The following HTRA3 variants were observed in gnomAD, a reference collection of about 807,000 sequenced individuals.
The protein encoded by HTRA3 is HtrA serine peptidase 3, also known as serine protease HTRA3.
In HTRA3, 41 loss-of-function variants were observed where a neutral mutation model predicts 43.2. The ratio of observed to expected loss-of-function variants is 0.95; its 90% CI spans 0.74 to 1.23. The LOEUF (loss-of-function observed/expected upper bound fraction) is 1.23, where lower values mean the gene tolerates loss of function less well. Ranked by LOEUF, HTRA3 falls within the 50% of genes most tolerant of loss-of-function variation. HTRA3 has a pLI of 0.00. For missense variants in HTRA3, 628 were observed against 647.1 expected (o/e 0.97, Z 0.32); for synonymous variants, 295 against 287.9 (o/e 1.02, Z -0.25).
chr4:8,274,859 A>T (rs555360543), intron 1 of HTRA3, among the ~76,000 whole-genome samples: 2 of 152,262 alleles, frequency 1.3e-5, no homozygotes, highest in African/African-American at 4.8e-5. Flanking sequence ...GCATTTAATC[A>T]CCGGCTTTTA....
chr4:8,277,045 G>A (rs984974923), intron 1 of HTRA3, among the ~76,000 whole-genome samples: 5 of 152,364 alleles, frequency 3.3e-5, no homozygotes, highest in African/African-American at 1.2e-4. Context: ...GAGGCAGCGG[G>A]TTCCTCTGGG....
chr4:8,285,542 T>G (rs186598084), intron 2 of HTRA3, among the ~76,000 whole-genome samples: 24 of 152,336 alleles, frequency 1.6e-4, no homozygotes, highest in African/African-American at 5.5e-4. Flanking sequence ...CTTGCTCATC[T>G]CTACTAAGCA....
At position 8,269,985 on chromosome 4, in the gene HTRA3, T is replaced by C; in HGVS notation, c.17T>C (p.Leu6Pro). 2.4e-6 allele frequency: 3 copies of C among 1,230,634 alleles called. No individual in the cohort carries two copies. Among genetic ancestry groups the C allele is most frequent in the Non-Finnish European group, 3.0e-6 (3 of 989,204 alleles). 76.2% of individuals were successfully genotyped at this position (1,230,634 alleles called of 1,614,324 possible). A position where few individuals can be genotyped will look rare whatever the true frequency, so the allele number is the denominator to read the frequency against. Residue 6 changes from leucine to proline, a missense_variant, in exon 1 of 9, where the codon CTG becomes CCG. Coordinates refer to ENST00000307358, the MANE Select transcript of HTRA3 (RefSeq NM_053044.5). MQARA[L>P]LLAALAALAL... Reference sequence around the variant, plus strand: ...CCTGCCGCCATGCAGGCGCGAGCGCTGCTCCTGGCCGCGTTGGCCGCGCTG... The same window carrying C: ...CCTGCCGCCATGCAGGCGCGAGCGCCGCTCCTGGCCGCGTTGGCCGCGCTG...
intron 1 of HTRA3, among the ~76,000 whole-genome samples, chr4:8,271,190 T>G (rs905204957): frequency 6.6e-6 from 1 of 151,256 alleles, no homozygotes; most frequent in Admixed American, 6.6e-5. Context: ...GAGCACCAAC[T>G]GCCGGGGCTC....
At chr4:8,292,860 G>A (rs1291196396) in intron 5 of HTRA3, among the ~76,000 whole-genome samples, 1 of 152,182 alleles carries the variant, frequency 6.6e-6, no homozygotes, top group African/African-American at 2.4e-5. Flanking sequence ...GGCTGGGGAG[G>A]TGTCCAGATG....
chr4:8,286,346 A>G lies in HTRA3; in HGVS notation c.486-215A>G, dbSNP rs1400570774. Among the ~76,000 whole-genome samples the G allele has an allele frequency of 6.6e-6, 1 of 152,148 alleles. No individual in the cohort carries two copies. Among genetic ancestry groups the G allele is most frequent in the East Asian group, 1.9e-4 (1 of 5,182 alleles). On this transcript the variant is annotated intron_variant, in intron 2 of 8. Coordinates refer to ENST00000307358, the MANE Select transcript of HTRA3 (RefSeq NM_053044.5). This position sits in a 1 kb window ranked among gnomAD's most constrained non-coding sequence, Gnocchi z 4.9. ...CAGCAAATTGCAGCGAGAGGTGATC[A>G]TCATCACCTCTTTATGGCTGTGAAT...
In HTRA3 at chr4:8,297,310, G is replaced by T. The variant is rs560030626; in HGVS notation, c.1051+3109G>T. Among the ~76,000 whole-genome samples the T allele has an allele frequency of 6.6e-6, 1 of 152,024 alleles. No individual in the cohort carries two copies. The highest frequency in any genetic ancestry group is 1.5e-5 in the Non-Finnish European group (1 of 68,014). The stretch of plus-strand genomic sequence containing the variant: ...GAGTCCCCTATCCTGAGCACAGTGA[G>T]TCGTGCTTTCCCCAGCTCTGGCCCA... On this transcript the variant is annotated intron_variant, in intron 6 of 8. Transcript: ENST00000307358. This position sits in a 1 kb window ranked among gnomAD's most constrained non-coding sequence, Gnocchi z 5.8.
At chr4:8,274,847 T>C (rs1352674730) in intron 1 of HTRA3, among the ~76,000 whole-genome samples, 2 of 152,134 alleles carry the variant, frequency 1.3e-5, no homozygotes, top group African/African-American at 4.8e-5. Flanking sequence ...GTTTACAAGG[T>C]GGCATTTAAT....
chr4:8,284,831 C>T (rs1272406524), intron 2 of HTRA3, among the ~76,000 whole-genome samples: 4 of 152,210 alleles, frequency 2.6e-5, no homozygotes, highest in Non-Finnish European at 5.9e-5. Context: ...AGTTTTCCCA[C>T]CATAAAGACC....
intron 1 of HTRA3, among the ~76,000 whole-genome samples, chr4:8,278,854 C>T (rs926113925): frequency 2.0e-5 from 3 of 152,222 alleles, no homozygotes; most frequent in African/African-American, 7.2e-5. Context: ...TGTGAGGCTG[C>T]TTGGAGACTT....
intron 6 of HTRA3, among the ~76,000 whole-genome samples, chr4:8,299,422 G>A (rs932672830): frequency 5.9e-5 from 9 of 152,028 alleles, no homozygotes; most frequent in Non-Finnish European, 1.3e-4. Flanking sequence ...AGATGGCTAT[G>A]CAGTCTGTGA....
rs1191446899 is a variant in HTRA3, at chr4:8,295,325, C to T, written c.1051+1124C>T. 6.6e-6 allele frequency among the ~76,000 whole-genome samples: 1 copy of T among 152,108 alleles called. No individual in the cohort carries two copies. The highest frequency in any genetic ancestry group is 1.5e-5 in the Non-Finnish European group (1 of 68,008). The stretch of plus-strand genomic sequence containing the variant: ...CAATACCTCGTCTTTGGAAGTCACC[C>T]TCCTCCAAGCCCCCATTTCCTTGCC... On this transcript the variant is annotated intron_variant, in intron 6 of 8. Transcript: ENST00000307358. This position sits in a 1 kb window ranked among gnomAD's most constrained non-coding sequence, Gnocchi z 6.9.
At chr4:8,302,605 C>T in intron 7 of HTRA3, 94 bp downstream of exon 7, 4 of 1,254,854 alleles carry the variant, frequency 3.2e-6, no homozygotes, top group Non-Finnish European at 3.5e-6. Context: ...TGTTCGGCTC[C>T]TTGCAGGTGC....
Position 8,306,399 on chromosome 4 carries a change from G to T in HTRA3, c.*263G>T, listed in dbSNP as rs2153007687. The T allele has an allele frequency of 2.6e-6, 1 of 387,220 alleles. No homozygotes were observed. The highest frequency in any genetic ancestry group is 7.0e-4 in the Middle Eastern group (1 of 1,438). The allele number at this position is 387,220 out of a possible 1,614,324, so 24.0% of individuals were successfully genotyped here. A position where few individuals can be genotyped will look rare whatever the true frequency, so the allele number is the denominator to read the frequency against. On this transcript the variant is annotated 3_prime_UTR_variant, in exon 9 of 9. Transcript: ENST00000307358. The surrounding 1 kb of genome is among the most constrained non-coding windows in gnomAD (Gnocchi z 8.9). ...CTGAAAGTCACTTCCAAGTTCTCCGGATATTCACAAAACTGCCTTCCATGG... is the reference window on the plus strand; with the variant it reads ...CTGAAAGTCACTTCCAAGTTCTCCGTATATTCACAAAACTGCCTTCCATGG...
At chr4:8,275,149 C>T (rs892014056) in intron 1 of HTRA3, among the ~76,000 whole-genome samples, 3 of 152,226 alleles carry the variant, frequency 2.0e-5, no homozygotes, top group Non-Finnish European at 4.4e-5. Flanking sequence ...CTGCCAGGAG[C>T]CAGGAGTCCA....
At chr4:8,272,719 G>C (rs1482192312) in intron 1 of HTRA3, among the ~76,000 whole-genome samples, 1 of 152,270 alleles carries the variant, frequency 6.6e-6, no homozygotes, top group Non-Finnish European at 1.5e-5. Context: ...ACTGCCTGGG[G>C]AAGGATGGGG....
At position 8,286,622 on chromosome 4, in the gene HTRA3, G is replaced by A; in HGVS notation, c.547G>A (p.Ala183Thr). The change falls in exon 3 of 9, where the codon GCC (alanine) becomes ACC (threonine). Residue 183 changes from alanine (A) to threonine (T), a missense_variant. Physicochemically the swap from Ala to Thr is moderately conservative, Grantham distance 58 (BLOSUM62 0). Coordinates refer to ENST00000307358, the MANE Select transcript of HTRA3 (RefSeq NM_053044.5). This position sits in a 1 kb window ranked among gnomAD's most constrained non-coding sequence, Gnocchi z 4.9. ...SSGSGFIMSE[A>T]GLIITNAHVV... ...CGGTTCTGGCTTCATCATGTCAGAG[G>A]CCGGCCTGATCATCACCAATGCCCA... is the stretch of plus-strand genomic sequence containing the variant. 6.2e-7 allele frequency: 1 copy of A among 1,614,202 alleles called. No individual in the cohort carries two copies. The highest frequency in any genetic ancestry group is 1.3e-5 in the African/African-American group (1 of 75,048).
intron 6 of HTRA3, among the ~76,000 whole-genome samples, chr4:8,298,882 C>T (rs1028546600): frequency 2.6e-5 from 4 of 152,208 alleles, no homozygotes; most frequent in Admixed American, 2.0e-4. Flanking sequence ...ACTGTGGCCT[C>T]ACGGTAGGTC....
chr4:8,298,905 AGT>A (rs1560142879), intron 6 of HTRA3, among the ~76,000 whole-genome samples: 2 of 152,250 alleles, frequency 1.3e-5, no homozygotes, highest in African/African-American at 4.8e-5. Flanking sequence ...AAAGGCAGGC[AGT>A]GTGAGTCCCC....
Sources: allele counts gnomAD v4.1 joint callset (sites outside exome capture counted in the v4.1 genomes callset), GRCh38; gene constraint gnomAD v4.1.1; non-coding constraint Gnocchi (gnomAD v3.1); transcripts MANE v1.5; gene names NCBI Gene and HGNC (gene_info 2026-07-23, HGNC 2026-07-21).